Variants in PRKAR1B observed in about 807,000 individuals in gnomAD.
PRKAR1B encodes the protein cAMP-dependent protein kinase type I-beta regulatory subunit.
In PRKAR1B, 22 loss-of-function variants were observed where a neutral mutation model predicts 46.5. The observed-to-expected ratio is 0.47, with a 90% CI of 0.34 to 0.68. The LOEUF (loss-of-function observed/expected upper bound fraction) is 0.68. PRKAR1B is among the 30% of genes least tolerant of loss of function. The pLI is 0.01. For synonymous variants in PRKAR1B, 259 were observed against 217.7 expected (o/e 1.19, Z -1.67); for missense variants, 445 against 535.6 (o/e 0.83, Z 1.67).
Position 558,983 on chromosome 7 carries a change from C to T in PRKAR1B, c.892-7513G>A, listed in dbSNP as rs528422929. Among the ~76,000 whole-genome samples the T allele has an allele frequency of 1.8e-4, 27 of 152,278 alleles. No individual in the cohort carries two copies. In the South Asian group the frequency reaches 5.4e-3, roughly 30 times the overall value. On this transcript the variant is annotated intron_variant, in intron 9 of 10. Coordinates refer to ENST00000537384, the MANE Select transcript of PRKAR1B (RefSeq NM_001164760.2). ...GAGAACCTGGTGCCACAGGCGTGGA[C>T]GGCGGCCCCGTCCCAGCCAGGTTCC...
At chr7:584,257 A>G (rs1194080147) in intron 8 of PRKAR1B, among the ~76,000 whole-genome samples, 1 of 152,228 alleles carries the variant, frequency 6.6e-6, no homozygotes, top group Non-Finnish European at 1.5e-5. Flanking sequence ...ACAGGATGGC[A>G]GAGACGTTGA....
intron 1 of PRKAR1B, among the ~76,000 whole-genome samples, chr7:718,236 C>A (rs887382761): frequency 6.6e-6 from 1 of 150,800 alleles, no homozygotes; most frequent in Non-Finnish European, 1.5e-5. Context: ...CAGGCCTTCA[C>A]TGGGGGAAGC....
At position 550,409 on chromosome 7, in the gene PRKAR1B, G is replaced by A. The variant is rs1422513356; in HGVS notation, c.*21C>T. ...ACGGCCACCACACTGGGGAGCTGGGGCTGCAGGGCGGGAGCTGTGCTCAGA... is the reference window on the plus strand; with the variant it reads ...ACGGCCACCACACTGGGGAGCTGGGACTGCAGGGCGGGAGCTGTGCTCAGA... On this transcript the variant is annotated 3_prime_UTR_variant, in exon 11 of 11. Coordinates refer to ENST00000537384, the MANE Select transcript of PRKAR1B (RefSeq NM_001164760.2). 6 of 1,573,370 alleles carry A rather than the reference G, an allele frequency of 3.8e-6. No homozygotes were observed. Among genetic ancestry groups the A allele is most frequent in the Non-Finnish European group, 5.2e-6 (6 of 1,159,512 alleles).
intron 1 of PRKAR1B, among the ~76,000 whole-genome samples, chr7:722,613 C>G (rs1433230620): frequency 2.0e-5 from 3 of 152,138 alleles, no homozygotes; most frequent in Non-Finnish European, 4.4e-5. Flanking sequence ...CTCAGGTGAT[C>G]TGCCCGCCTT....
chr7:641,531 A>G (rs1436241198), intron 4 of PRKAR1B, among the ~76,000 whole-genome samples: 1 of 152,114 alleles, frequency 6.6e-6, no homozygotes, highest in Non-Finnish European at 1.5e-5. Context: ...CTCCAAACTG[A>G]AAACAACCCA....
At chr7:620,797 C>T (rs1783069704) in intron 4 of PRKAR1B, among the ~76,000 whole-genome samples, 1 of 152,194 alleles carries the variant, frequency 6.6e-6, no homozygotes, top group Non-Finnish European at 1.5e-5. Flanking sequence ...TTCTTTATAG[C>T]ATTGCCGGGA....
chr7:597,601 C>T (rs1429363333), intron 6 of PRKAR1B, among the ~76,000 whole-genome samples: 1 of 152,208 alleles, frequency 6.6e-6, no homozygotes, highest in Non-Finnish European at 1.5e-5. Context: ...TGCAGGGATA[C>T]GTGGAGGAGG....
intron 7 of PRKAR1B, among the ~76,000 whole-genome samples, chr7:592,558 G>A (rs779770298): frequency 4.6e-5 from 7 of 152,338 alleles, no homozygotes; most frequent in Non-Finnish European, 7.3e-5. Flanking sequence ...ACTGGTCAGC[G>A]GGGGCTGAGG....
At chr7:671,016 C>T (rs1786221389) in intron 4 of PRKAR1B, among the ~76,000 whole-genome samples, 1 of 152,238 alleles carries the variant, frequency 6.6e-6, no homozygotes, top group South Asian at 2.1e-4. Flanking sequence ...CCAGGCTCAT[C>T]AGCCAGAAGA....
chr7:594,400 C>T (rs10248383), intron 7 of PRKAR1B, among the ~76,000 whole-genome samples: 5,235 of 152,238 alleles, frequency 0.034, 287 homozygotes, highest in African/African-American at 0.12. Context: ...GGAGAGGGCT[C>T]GGAGCAGACG....
In PRKAR1B at chr7:630,963, T is replaced by G. The variant is rs201854729; in HGVS notation, c.441-23511A>C. 7.2e-5 allele frequency among the ~76,000 whole-genome samples: 11 copies of G among 151,856 alleles called. No individual in the cohort carries two copies. The East Asian group carries it at 2.1e-3, about 29-fold the overall frequency. ...CAGCTGATTCGGATTTTTTTTTTTT[T>G]TTTTTTAAAGACAGAGTCTTGCTCT... On this transcript the variant is annotated intron_variant, in intron 4 of 10. Transcript: ENST00000537384.
At chr7:611,038 GT>G (rs1330754270) in intron 4 of PRKAR1B, among the ~76,000 whole-genome samples, 1 of 152,224 alleles carries the variant, frequency 6.6e-6, no homozygotes, top group East Asian at 1.9e-4. Context: ...CCCCTGGTCT[GT>G]CTCTTGCTCC....
chr7:680,410 C>T, intron 3 of PRKAR1B, 146 bp downstream of exon 3: 1 of 824,388 alleles, frequency 1.2e-6, no homozygotes, highest in Non-Finnish European at 1.8e-6. Context: ...CTGCCTCTGC[C>T]ATCACCCACA....
intron 8 of PRKAR1B, among the ~76,000 whole-genome samples, chr7:580,484 T>C (rs964866114): frequency 6.6e-6 from 1 of 152,194 alleles, no homozygotes; most frequent in African/African-American, 2.4e-5. Context: ...ATCAGGGGAC[T>C]GATCAAACAA....
chr7:584,405 A>T, intron 8 of PRKAR1B, 103 bp downstream of exon 8: 2 of 971,706 alleles, frequency 2.1e-6, no homozygotes, highest in African/African-American at 3.2e-5. Context: ...TAATACCAAC[A>T]ACACTCAACT....
chr7:720,862 G>A (rs761177797), intron 1 of PRKAR1B, among the ~76,000 whole-genome samples: 3 of 152,194 alleles, frequency 2.0e-5, no homozygotes, highest in Non-Finnish European at 4.4e-5. Flanking sequence ...TCAGCATATA[G>A]TAGACATCAT....
chr7:626,973 C>T (rs1473945740), intron 4 of PRKAR1B, among the ~76,000 whole-genome samples: 1 of 152,200 alleles, frequency 6.6e-6, no homozygotes, highest in African/African-American at 2.4e-5. Context: ...CTCCCGGGTT[C>T]AAGCGATTCT....
At chr7:680,861 G>C (rs1301953202) in intron 2 of PRKAR1B, 135 bp from the exon 3 acceptor site, 3 of 1,021,412 alleles carry the variant, frequency 2.9e-6, no homozygotes, top group Non-Finnish European at 4.2e-6. Context: ...TTGGACATAC[G>C]GTTAGGCTTT....
intron 2 of PRKAR1B, among the ~76,000 whole-genome samples, chr7:698,624 G>A (rs1258441538): frequency 4.0e-5 from 6 of 151,830 alleles, no homozygotes; most frequent in Non-Finnish European, 7.4e-5. Flanking sequence ...GTACATGTGT[G>A]AGCGTGTACA....
Sources: gnomAD v4.1 joint callset for allele counts (sites outside exome capture counted in the v4.1 genomes callset) on GRCh38, gnomAD v4.1.1 for gene constraint, MANE v1.5 for transcripts, NCBI Gene and HGNC (gene_info 2026-07-23, HGNC 2026-07-21) for gene names.